Variants in CACNA1B observed in about 807,000 individuals in gnomAD.
CACNA1B encodes calcium voltage-gated channel subunit alpha1 B, also known as voltage-dependent N-type calcium channel subunit alpha-1B.
Under a neutral mutation model 247.2 loss-of-function variants are expected in CACNA1B, and 70 were observed. The ratio of observed to expected loss-of-function variants is 0.28; its 90% CI spans 0.23 to 0.35. The LOEUF (loss-of-function observed/expected upper bound fraction) is 0.35, where lower values mean the gene tolerates loss of function less well. Among genes scored for constraint, CACNA1B ranks in the 10% least tolerant of loss-of-function variants. The pLI is 1.00. For synonymous variants in CACNA1B, 1,231 were observed against 1,294.4 expected (o/e 0.95, Z 1.05); for missense variants, 2,367 against 3,197.4 (o/e 0.74, Z 6.26).
At chr9:138,056,632 T>C (rs1467855448) in intron 26 of CACNA1B, among the ~76,000 whole-genome samples, 1 of 152,240 alleles carries the variant, frequency 6.6e-6, no homozygotes, top group Admixed American at 6.5e-5. Context: ...TGTTTAACTG[T>C]TTGAGGAAAT....
At chr9:138,055,726 C>T (rs1959471015) in intron 26 of CACNA1B, among the ~76,000 whole-genome samples, 1 of 151,858 alleles carries the variant, frequency 6.6e-6, no homozygotes, top group Admixed American at 6.6e-5. Flanking sequence ...TTTTAAAAAA[C>T]AAAAACAAAA....
At position 138,054,857 on chromosome 9, in the gene CACNA1B, G is replaced by A. The variant is rs185588123; in HGVS notation, c.3968+851G>A. On this transcript the variant is annotated intron_variant, in intron 26 of 46. Coordinates refer to ENST00000371372, the MANE Select transcript of CACNA1B (RefSeq NM_000718.4). The surrounding 1 kb of genome is among the most constrained non-coding windows in gnomAD (Gnocchi z 4.6). The stretch of plus-strand genomic sequence containing the variant: ...TTTCTGGGTGTAGTGGTCATTCACC[G>A]TGGTTTAATTTTGCACTTGTGTGAT... Among the ~76,000 whole-genome samples, 38 of 152,268 alleles carry A rather than the reference G, an allele frequency of 2.5e-4. No individual in the cohort carries two copies. Among genetic ancestry groups the A allele is most frequent in the Non-Finnish European group, 4.1e-4 (28 of 68,014 alleles).
intron 31 of CACNA1B, among the ~76,000 whole-genome samples, chr9:138,065,163 C>T (rs568638999): frequency 1.3e-5 from 2 of 152,326 alleles, no homozygotes; most frequent in East Asian, 3.9e-4. Flanking sequence ...AGCTCCCCTA[C>T]ATTAAAAATA....
At position 138,121,654 on chromosome 9, in the gene CACNA1B, A is replaced by G. The variant is rs555056750; in HGVS notation, c.6675A>G (p.Pro2225=). The G allele has an allele frequency of 6.2e-7, 1 of 1,612,706 alleles. No individual in the cohort carries two copies. The highest frequency in any genetic ancestry group is 8.5e-7 in the Non-Finnish European group (1 of 1,179,324). Residue 2225 remains proline (P), a synonymous_variant, in exon 47 of 47, where the codon CCA becomes CCG. Transcript: ENST00000371372. This position sits in a 1 kb window ranked among gnomAD's most constrained non-coding sequence, Gnocchi z 6.8. Reference sequence around the variant, plus strand: ...AGACCAGCCTCCCTGCCTTCTCCCCAGGCCGGCTCAGCCGTGGGCTTTCCG... The same window carrying G: ...AGACCAGCCTCCCTGCCTTCTCCCCGGGCCGGCTCAGCCGTGGGCTTTCCG... ...GAQTSLPAFS[P]GRLSRGLSEH...
chr9:137,952,686 G>A lies in CACNA1B; in HGVS notation c.1070+309G>A, dbSNP rs1957892111. ...GTCTGTAATGGGAGGTTGGTCTGGG[G>A]GGATGGGAGGTGTGGTCTGTAATGG... On this transcript the variant is annotated intron_variant, in intron 7 of 46. Transcript: ENST00000371372. The surrounding 1 kb of genome is among the most constrained non-coding windows in gnomAD (Gnocchi z 4.8). Among the ~76,000 whole-genome samples the A allele has an allele frequency of 9.4e-6, 1 of 106,452 alleles. No homozygotes were observed. The highest frequency in any genetic ancestry group is 8.1e-5 in the Admixed American group (1 of 12,270). 69.8% of individuals were successfully genotyped at this position (106,452 alleles called of 152,430 possible). A position where few individuals can be genotyped will look rare whatever the true frequency, so the allele number is the denominator to read the frequency against.
chr9:138,057,203 C>T lies in CACNA1B; in HGVS notation c.3969-529C>T, dbSNP rs1022571023. Among the ~76,000 whole-genome samples the T allele has an allele frequency of 1.8e-4, 28 of 152,300 alleles. No homozygotes were observed. The highest frequency in any genetic ancestry group is 1.2e-3 in the South Asian group (6 of 4,820). On this transcript the variant is annotated intron_variant, in intron 26 of 46. Transcript: ENST00000371372. This position sits in a 1 kb window ranked among gnomAD's most constrained non-coding sequence, Gnocchi z 4.0. ...CCGCCCGCCTCGGCCTCCCAAAGTG[C>T]TGGGATTACAGGCGTGAGCCACCGC...
rs1481399365 is a variant in CACNA1B at position 138,020,793 on chromosome 9, G to A, written c.2268-2218G>A. ...ACAGCCTGGCCTTTCCCTGCTCCAG[G>A]TGTTTCCTGGGCGAGAAGGAGCCAC... On this transcript the variant is annotated intron_variant, in intron 18 of 46. Transcript: ENST00000371372. This position sits in a 1 kb window ranked among gnomAD's most constrained non-coding sequence, Gnocchi z 4.1. Among the ~76,000 whole-genome samples, 1 of 152,238 alleles carries A rather than the reference G, an allele frequency of 6.6e-6. No individual in the cohort carries two copies. Among genetic ancestry groups the A allele is most frequent in the Non-Finnish European group, 1.5e-5 (1 of 68,036 alleles).
chr9:138,048,617 G>T (rs971071553), intron 23 of CACNA1B, among the ~76,000 whole-genome samples: 1 of 152,174 alleles, frequency 6.6e-6, no homozygotes, highest in Non-Finnish European at 1.5e-5. Context: ...CATAACGTGT[G>T]CACTCAGCCA....
At chr9:137,997,008 C>T in intron 15 of CACNA1B, among the ~76,000 whole-genome samples, 1 of 152,156 alleles carries the variant, frequency 6.6e-6, no homozygotes, top group East Asian at 1.9e-4. Context: ...CCTAGAAATG[C>T]AAGATAATTC....
chr9:138,016,896 G>A (rs1218174694), intron 18 of CACNA1B, among the ~76,000 whole-genome samples: 2 of 152,206 alleles, frequency 1.3e-5, no homozygotes, highest in Non-Finnish European at 2.9e-5. Context: ...TGTCTTCCAG[G>A]CATTACAGGG....
At position 137,899,006 on chromosome 9, in the gene CACNA1B, A is replaced by G. The variant is rs149562056; in HGVS notation, c.531-14174A>G. Among the ~76,000 whole-genome samples, 1 of 152,140 alleles carries G rather than the reference A, an allele frequency of 6.6e-6. No homozygotes were observed. The highest frequency in any genetic ancestry group is 1.5e-5 in the Non-Finnish European group (1 of 68,004). ...AGGCTGGTTTAAAACTCCTGGACTC[A>G]AGCAGTCCTCCCGCCTCAGCTTTCC... On this transcript the variant is annotated intron_variant, in intron 3 of 46. Coordinates refer to ENST00000371372, the MANE Select transcript of CACNA1B (RefSeq NM_000718.4). The surrounding 1 kb of genome is among the most constrained non-coding windows in gnomAD (Gnocchi z 5.0).
intron 15 of CACNA1B, among the ~76,000 whole-genome samples, chr9:138,002,778 T>C (rs1309413978): frequency 1.3e-5 from 2 of 150,840 alleles, no homozygotes; most frequent in Non-Finnish European, 2.9e-5. Context: ...TTCTTCTCTT[T>C]TCTTTTCTTT....
chr9:137,913,366 G>T lies in CACNA1B; in HGVS notation c.622+95G>T. 1 of 999,900 alleles carries T rather than the reference G, an allele frequency of 1.0e-6. No individual in the cohort carries two copies. Among genetic ancestry groups the T allele is most frequent in the East Asian group, 2.5e-5 (1 of 39,408 alleles). The allele number at this position is 999,900 out of a possible 1,614,324, so 61.9% of individuals were successfully genotyped here. On this transcript the variant is annotated intron_variant, in intron 4 of 46. Coordinates refer to ENST00000371372, the MANE Select transcript of CACNA1B (RefSeq NM_000718.4). The surrounding 1 kb of genome is among the most constrained non-coding windows in gnomAD (Gnocchi z 5.2). ...ATGGCCATGGCCATGGTTTGGCTTT[G>T]GTGACTCTGAGCTTGCCACTTTTGA...
intron 31 of CACNA1B, among the ~76,000 whole-genome samples, chr9:138,064,232 G>A (rs984222703): frequency 2.6e-5 from 4 of 152,196 alleles, no homozygotes; most frequent in African/African-American, 9.7e-5. Flanking sequence ...GATCTCCTTG[G>A]GGAGGGGCAG....
At chr9:138,044,082 G>A (rs1385545190) in intron 21 of CACNA1B, among the ~76,000 whole-genome samples, 182 bp downstream of exon 21, 1 of 152,226 alleles carries the variant, frequency 6.6e-6, no homozygotes, top group Non-Finnish European at 1.5e-5. Flanking sequence ...GAGGACACGG[G>A]CACAGGAGGC....
At chr9:137,928,659 AAGTTTAC>A (rs1406070100) in intron 6 of CACNA1B, among the ~76,000 whole-genome samples, 1 of 152,198 alleles carries the variant, frequency 6.6e-6, no homozygotes, top group African/African-American at 2.4e-5. Flanking sequence ...CACCATTTTA[AAGTTTAC>A]AGTTTACAGT....
Position 138,120,746 on chromosome 9 carries a change from A to C in CACNA1B, c.6354A>C (p.Ser2118=), listed in dbSNP as rs780385241. 1.5e-5 allele frequency: 23 copies of C among 1,547,378 alleles called. No homozygotes were observed. The highest frequency in any genetic ancestry group is 1.9e-5 in the Non-Finnish European group (22 of 1,146,760). ...GGTCCCAGGAGCGGAGGCAGCCCTC[A>C]TCCTCCTCCTCGGAGAAGCAGCGCT... ...RGRSQERRQP[S]SSSSEKQRFY... The change falls in exon 46 of 47, where the codon TCA becomes TCC. Residue 2118 remains serine (S), a synonymous_variant. Coordinates refer to ENST00000371372, the MANE Select transcript of CACNA1B (RefSeq NM_000718.4).
intron 11 of CACNA1B, among the ~76,000 whole-genome samples, chr9:137,972,556 G>A (rs1033867903): frequency 1.2e-4 from 19 of 152,270 alleles, no homozygotes; most frequent in African/African-American, 4.3e-4. Context: ...GGCCTCACCA[G>A]GGCTCTAGCC....
chr9:138,115,407 C>T (rs1029747663), intron 41 of CACNA1B, 145 bp from the exon 42 acceptor site: 44 of 756,302 alleles, frequency 5.8e-5, no homozygotes, highest in Middle Eastern at 4.1e-4. Flanking sequence ...GGAAAGTAAG[C>T]GGCCCCTTGC....
Sources: allele counts gnomAD v4.1 joint callset (sites outside exome capture counted in the v4.1 genomes callset), GRCh38; gene constraint gnomAD v4.1.1; non-coding constraint Gnocchi (gnomAD v3.1); transcripts MANE v1.5; gene names NCBI Gene and HGNC (gene_info 2026-07-23, HGNC 2026-07-21).